The following EPHA5 variants were observed in gnomAD, a reference collection of about 807,000 sequenced individuals.
EPHA5 encodes EPH receptor A5.
Under a neutral mutation model 105.0 loss-of-function variants are expected in EPHA5, and 60 were observed. The observed-to-expected ratio is 0.57, with a 90% CI of 0.46 to 0.71. EPHA5 has a LOEUF of 0.71. Ranked by LOEUF, EPHA5 falls within the 30% of genes least tolerant of loss-of-function variation. EPHA5 has a pLI of 0.00. For missense variants in EPHA5, 1,218 were observed against 1,274.7 expected, an observed-to-expected ratio of 0.96 and a Z score of 0.68; for synonymous variants, 513 against 449.1, an observed-to-expected ratio of 1.14 and a Z score of -1.80.
intron 5 of EPHA5, among the ~76,000 whole-genome samples, chr4:65,432,644 T>C (rs1027624075): frequency 1.3e-5 from 2 of 152,066 alleles, no homozygotes; most frequent in Non-Finnish European, 2.9e-5. Flanking sequence ...CTTGACTTAC[T>C]GAAGCCTTGA....
intron 1 of EPHA5, 132 bp downstream of exon 1, chr4:65,669,430 C>A: frequency 4.0e-6 from 5 of 1,245,480 alleles, no homozygotes; most frequent in Non-Finnish European, 5.0e-6. Context: ...AAGGGGACGA[C>A]AAATACCAAT....
rs558231844 is a variant in EPHA5, at chr4:65,553,520, T to C, written c.910+48121A>G. On this transcript the variant is annotated intron_variant, in intron 3 of 16. Transcript: ENST00000613740. ...TAGTTACTTCAAAAAGAATACTTGG[T>C]TGTCCTCAATTTCTCTTTTGGTAAA... 2.0e-5 allele frequency among the ~76,000 whole-genome samples: 3 copies of C among 152,214 alleles called. No homozygotes were observed. The East Asian group carries it at 5.8e-4, about 29-fold the overall frequency.
At chr4:65,332,234 A>G in intron 15 of EPHA5, 106 bp from the exon 16 acceptor site, 1 of 883,830 alleles carries the variant, frequency 1.1e-6, no homozygotes, top group Non-Finnish European at 1.6e-6. Context: ...GTCTGTAAGT[A>G]TATTTATAGA....
chr4:65,497,172 G>A (rs570801803), intron 3 of EPHA5, among the ~76,000 whole-genome samples: 5 of 152,018 alleles, frequency 3.3e-5, no homozygotes, highest in African/African-American at 4.8e-5. Context: ...GAAGTATGAC[G>A]CATATTTGCT....
chr4:65,358,357 A>G (rs1419651090), intron 11 of EPHA5, among the ~76,000 whole-genome samples: 1 of 151,616 alleles, frequency 6.6e-6, no homozygotes, highest in Non-Finnish European at 1.5e-5. Flanking sequence ...TCTTAGAAAT[A>G]TATTTTAAGA....
intron 2 of EPHA5, among the ~76,000 whole-genome samples, chr4:65,636,436 G>A (rs1042019935): frequency 2.0e-5 from 3 of 152,062 alleles, no homozygotes; most frequent in Admixed American, 6.6e-5. Context: ...TAATCAGGAC[G>A]TTGGATGACC....
At chr4:65,377,031 G>C (rs1719081779) in intron 8 of EPHA5, 1 of 1,609,238 alleles carries the variant, frequency 6.2e-7, no homozygotes, top group Non-Finnish European at 8.5e-7. Context: ...AGCGCACAGG[G>C]AAGAAGCCCT....
intron 14 of EPHA5, among the ~76,000 whole-genome samples, chr4:65,338,751 G>T (rs188272078): frequency 6.6e-6 from 1 of 151,902 alleles, no homozygotes; most frequent in Admixed American, 6.6e-5. Context: ...TATATTAGAA[G>T]TTTCCTTTTT....
intron 14 of EPHA5, among the ~76,000 whole-genome samples, chr4:65,347,311 G>A (rs1485257954): frequency 1.3e-5 from 2 of 152,146 alleles, no homozygotes; most frequent in Non-Finnish European, 2.9e-5. Context: ...CTCAATAAAT[G>A]TTAGCTGCTT....
intron 1 of EPHA5, among the ~76,000 whole-genome samples, chr4:65,656,599 A>AAT (rs1432861801): frequency 2.7e-5 from 4 of 147,026 alleles, no homozygotes; most frequent in African/African-American, 7.4e-5. Flanking sequence ...ATATATATAT[A>AAT]ATATATATAT....
chr4:65,632,415 T>A (rs1422945480), intron 2 of EPHA5, among the ~76,000 whole-genome samples: 1 of 149,532 alleles, frequency 6.7e-6, no homozygotes, highest in African/African-American at 2.5e-5. Flanking sequence ...GTGCTTGGCA[T>A]AAGCACTGTT....
At chr4:65,405,252 T>C (rs1722249391) in intron 7 of EPHA5, among the ~76,000 whole-genome samples, 1 of 141,758 alleles carries the variant, frequency 7.1e-6, no homozygotes, top group African/African-American at 2.6e-5. Context: ...TTTATTTTTG[T>C]GCTGATAACT....
intron 3 of EPHA5, chr4:65,574,388 T>TA: frequency 9.8e-6 from 7 of 714,470 alleles, no homozygotes; most frequent in East Asian, 6.9e-5. Context: ...TAATAAAAAA[T>TA]AAAAAAATAA....
intron 5 of EPHA5, among the ~76,000 whole-genome samples, chr4:65,449,490 A>G (rs1349432860): frequency 6.6e-6 from 1 of 152,208 alleles, no homozygotes; most frequent in East Asian, 1.9e-4. Context: ...GGATATGTAC[A>G]AAGATTGTCA....
intron 8 of EPHA5, among the ~76,000 whole-genome samples, chr4:65,401,056 G>T (rs1383225768): frequency 6.6e-6 from 1 of 151,838 alleles, no homozygotes; most frequent in Non-Finnish European, 1.5e-5. Context: ...GCATGTGTGT[G>T]TGTGTGAGAG....
At chr4:65,348,972 T>C (rs2148847604) in intron 13 of EPHA5, among the ~76,000 whole-genome samples, 1 of 150,908 alleles carries the variant, frequency 6.6e-6, no homozygotes, top group African/African-American at 2.4e-5. Context: ...TGCGCTATCA[T>C]GCCTGGCTAA....
chr4:65,638,439 A>T (rs1747347243), intron 2 of EPHA5, among the ~76,000 whole-genome samples: 1 of 152,156 alleles, frequency 6.6e-6, no homozygotes, highest in South Asian at 2.1e-4. Context: ...AATTTACATG[A>T]TATATGTAAA....
chr4:65,503,802 C>A (rs1326906805), intron 3 of EPHA5, among the ~76,000 whole-genome samples: 1 of 151,286 alleles, frequency 6.6e-6, no homozygotes, highest in African/African-American at 2.4e-5. Flanking sequence ...TATACATTAC[C>A]CGTCACATAT....
In EPHA5 at chr4:65,669,748, C is replaced by T. The variant is rs757523938; in HGVS notation, c.-6G>A. On this transcript the variant is annotated 5_prime_UTR_variant, in exon 1 of 17. Transcript: ENST00000613740. ...CGGGGCCCCGAGCCCCGCATCTTCTCCGAGCCTCCTCCGGTGCCGCTGTCC... is the reference window on the plus strand; with the variant it reads ...CGGGGCCCCGAGCCCCGCATCTTCTTCGAGCCTCCTCCGGTGCCGCTGTCC... 8.0e-6 allele frequency: 10 copies of T among 1,253,798 alleles called. No homozygotes were observed. Among genetic ancestry groups the T allele is most frequent in the Non-Finnish European group, 9.0e-6 (9 of 998,508 alleles). 77.7% of individuals were successfully genotyped at this position (1,253,798 alleles called of 1,614,324 possible).
Sources: gnomAD v4.1 joint callset for allele counts (sites outside exome capture counted in the v4.1 genomes callset) on GRCh38, gnomAD v4.1.1 for gene constraint, MANE v1.5 for transcripts, NCBI Gene and HGNC (gene_info 2026-07-23, HGNC 2026-07-21) for gene names.